The following LHFPL3 variants were observed in gnomAD, a reference collection of about 807,000 sequenced individuals.
LHFPL3 encodes the protein LHFPL tetraspan subfamily member 3 protein.
In LHFPL3, 5 loss-of-function variants were observed where a neutral mutation model predicts 19.3. The ratio of observed to expected loss-of-function variants is 0.26; its 90% CI spans 0.14 to 0.54. The LOEUF (loss-of-function observed/expected upper bound fraction) is 0.54, where lower values mean the gene tolerates loss of function less well. Among genes scored for constraint, LHFPL3 ranks in the 20% least tolerant of loss-of-function variants. LHFPL3 has a pLI of 0.94. For missense variants in LHFPL3, 249 were observed against 307.4 expected (o/e 0.81, Z 1.42); for synonymous variants, 133 against 126.2 (o/e 1.05, Z -0.36).
At chr7:104,482,020 C>T (rs1457834454) in intron 1 of LHFPL3, among the ~76,000 whole-genome samples, 1 of 152,154 alleles carries the variant, frequency 6.6e-6, no homozygotes, top group Non-Finnish European at 1.5e-5. Context: ...TGGAGAATTA[C>T]CCTTATTGGC....
At chr7:104,696,458 G>A in intron 1 of LHFPL3, among the ~76,000 whole-genome samples, 1 of 151,964 alleles carries the variant, frequency 6.6e-6, no homozygotes, top group Non-Finnish European at 1.5e-5. Flanking sequence ...GTGTGTGTGT[G>A]TGTGTGTGTG....
At chr7:104,794,761 G>C (rs1353968197) in intron 2 of LHFPL3, among the ~76,000 whole-genome samples, 2 of 152,206 alleles carry the variant, frequency 1.3e-5, no homozygotes, top group Non-Finnish European at 2.9e-5. Flanking sequence ...ATCAGCCTCT[G>C]TGTCGTCACT....
chr7:104,370,056 G>C (rs1039254667), intron 1 of LHFPL3, among the ~76,000 whole-genome samples: 4 of 152,104 alleles, frequency 2.6e-5, no homozygotes, highest in Admixed American at 2.6e-4. Flanking sequence ...AACTGAAAAG[G>C]CCAGAAAAGA....
intron 1 of LHFPL3, among the ~76,000 whole-genome samples, chr7:104,441,948 A>G (rs779191807): frequency 6.6e-6 from 1 of 152,080 alleles, no homozygotes; most frequent in Non-Finnish European, 1.5e-5. Context: ...TTATATTCTT[A>G]ATTTTTTGAA....
At chr7:104,672,490 A>G (rs946484170) in intron 1 of LHFPL3, among the ~76,000 whole-genome samples, 7 of 152,184 alleles carry the variant, frequency 4.6e-5, no homozygotes, top group African/African-American at 1.7e-4. Flanking sequence ...ATTATATGAA[A>G]CCAAGCATGA....
intron 1 of LHFPL3, among the ~76,000 whole-genome samples, chr7:104,606,782 A>G (rs1008897827): frequency 6.6e-6 from 1 of 152,074 alleles, no homozygotes; most frequent in African/African-American, 2.4e-5. Context: ...TTTATGGGCA[A>G]TTTGGTGGGC....
At position 104,548,936 on chromosome 7, in the gene LHFPL3, T is replaced by G. The variant is rs77617294; in HGVS notation, c.446-187739T>G. ...ACATGTGTTTTAAATGTGTTTTGAT[T>G]GAAATGTGTAGCCTCTAAGGGATTC... On this transcript the variant is annotated intron_variant, in intron 1 of 2. Transcript: ENST00000424859. Among the ~76,000 whole-genome samples the G allele has an allele frequency of 6.6e-3, 1,005 of 152,258 alleles. 10 individuals carry two copies. The highest frequency in any genetic ancestry group is 0.024 in the African/African-American group (977 of 41,550).
rs142442931 is a variant in LHFPL3, at chr7:104,364,403, A to G, written c.445+35179A>G. 4.1e-3 allele frequency among the ~76,000 whole-genome samples: 625 copies of G among 152,360 alleles called. 8 individuals carry two copies. The highest frequency in any genetic ancestry group is 0.015 in the African/African-American group (606 of 41,586). On this transcript the variant is annotated intron_variant, in intron 1 of 2. Transcript: ENST00000424859. Reference sequence around the variant, plus strand: ...AGAAACATTAACCATTGACACACACACACACTTCAAAGAGGGACTATGAAA... The same window carrying G: ...AGAAACATTAACCATTGACACACACGCACACTTCAAAGAGGGACTATGAAA...
chr7:104,358,974 A>G (rs1163666663), intron 1 of LHFPL3, among the ~76,000 whole-genome samples: 4 of 152,206 alleles, frequency 2.6e-5, no homozygotes, highest in Admixed American at 6.5e-5. Flanking sequence ...ACAGACATAG[A>G]TGAATTTCCA....
At chr7:104,880,952 C>T (rs775061079) in intron 2 of LHFPL3, among the ~76,000 whole-genome samples, 1 of 151,982 alleles carries the variant, frequency 6.6e-6, no homozygotes, top group Non-Finnish European at 1.5e-5. Context: ...GGGTGAATCA[C>T]GAGGTCAGGA....
chr7:104,388,553 G>T (rs1300317797), intron 1 of LHFPL3, among the ~76,000 whole-genome samples: 1 of 152,066 alleles, frequency 6.6e-6, no homozygotes, highest in Non-Finnish European at 1.5e-5. Context: ...TATGAGACTA[G>T]TATTATCTTG....
intron 1 of LHFPL3, among the ~76,000 whole-genome samples, chr7:104,562,871 C>A (rs1490230523): frequency 6.6e-6 from 1 of 151,428 alleles, no homozygotes; most frequent in African/African-American, 2.4e-5. Context: ...GTGTGGATGT[C>A]CTTTCTGTTT....
intron 1 of LHFPL3, among the ~76,000 whole-genome samples, chr7:104,705,376 A>G (rs930747851): frequency 6.6e-6 from 1 of 152,142 alleles, no homozygotes; most frequent in East Asian, 1.9e-4. Flanking sequence ...CTTCCAAACC[A>G]CTATGTCATT....
chr7:104,588,868 T>C (rs1316422080), intron 1 of LHFPL3, among the ~76,000 whole-genome samples: 2 of 151,818 alleles, frequency 1.3e-5, no homozygotes, highest in African/African-American at 2.4e-5. Context: ...TATTTTATTC[T>C]CTCTGAAGCA....
chr7:104,788,584 T>C (rs969046671), intron 2 of LHFPL3, among the ~76,000 whole-genome samples: 1 of 152,174 alleles, frequency 6.6e-6, no homozygotes, highest in Non-Finnish European at 1.5e-5. Context: ...GGTGTAATGC[T>C]TTCTCACTGA....
intron 1 of LHFPL3, among the ~76,000 whole-genome samples, chr7:104,713,878 G>T (rs1283913238): frequency 6.6e-6 from 1 of 152,086 alleles, no homozygotes; most frequent in Non-Finnish European, 1.5e-5. Flanking sequence ...CAATACCAAG[G>T]CAGAAAGCAA....
intron 1 of LHFPL3, among the ~76,000 whole-genome samples, chr7:104,674,862 A>T (rs1481753046): frequency 6.6e-6 from 1 of 152,240 alleles, no homozygotes; most frequent in Admixed American, 6.5e-5. Flanking sequence ...TGCATAAATC[A>T]ATAAGAGAAA....
chr7:104,809,603 A>G (rs1245586021), intron 2 of LHFPL3, among the ~76,000 whole-genome samples: 1 of 152,200 alleles, frequency 6.6e-6, no homozygotes, highest in Admixed American at 6.5e-5. Flanking sequence ...TTTAATTTTC[A>G]ATTATTGATA....
At chr7:104,600,552 T>C (rs762300726) in intron 1 of LHFPL3, among the ~76,000 whole-genome samples, 21 of 152,230 alleles carry the variant, frequency 1.4e-4, no homozygotes, top group Non-Finnish European at 2.4e-4. Flanking sequence ...TTTTTACTTT[T>C]ACAAAATGTT....
Sources: gnomAD v4.1 joint callset for allele counts (sites outside exome capture counted in the v4.1 genomes callset) on GRCh38, gnomAD v4.1.1 for gene constraint, MANE v1.5 for transcripts, NCBI Gene and HGNC (gene_info 2026-07-23, HGNC 2026-07-21) for gene names.